Variants in SNCAIP observed in about 807,000 individuals in gnomAD.
The protein encoded by SNCAIP is synphilin-1.
In SNCAIP, 43 loss-of-function variants were observed where a neutral mutation model predicts 86.7. The observed-to-expected ratio is 0.50, with a 90% CI of 0.39 to 0.64. The LOEUF (loss-of-function observed/expected upper bound fraction) is 0.64, where lower values mean the gene tolerates loss of function less well. Ranked by LOEUF, SNCAIP falls within the 30% of genes least tolerant of loss-of-function variation. The pLI, the probability that SNCAIP is intolerant of heterozygous loss-of-function variation, is 0.00. For missense variants in SNCAIP, 981 were observed against 1,103.1 expected (o/e 0.89, Z 1.57); for synonymous variants, 417 against 427.2 (o/e 0.98, Z 0.29).
intron 7 of SNCAIP, among the ~76,000 whole-genome samples, chr5:122,441,777 G>T (rs1380006040): frequency 6.6e-6 from 1 of 152,188 alleles, no homozygotes; most frequent in Admixed American, 6.6e-5. Flanking sequence ...GCTGAAGGAG[G>T]AGTAGCAGAT....
At chr5:122,367,932 C>CTA (rs1035630348) in intron 1 of SNCAIP, among the ~76,000 whole-genome samples, 3 of 151,948 alleles carry the variant, frequency 2.0e-5, no homozygotes, top group African/African-American at 7.3e-5. Context: ...ACACATAGGT[C>CTA]TATATATATT....
chr5:122,323,002 G>A (rs1272466459), intron 1 of SNCAIP, among the ~76,000 whole-genome samples: 1 of 152,168 alleles, frequency 6.6e-6, no homozygotes, highest in African/African-American at 2.4e-5. Context: ...AAAAGGCTGA[G>A]AGCTACTTTT....
At chr5:122,350,927 A>G (rs938869720) in intron 1 of SNCAIP, among the ~76,000 whole-genome samples, 5 of 152,222 alleles carry the variant, frequency 3.3e-5, no homozygotes, top group African/African-American at 1.2e-4. Flanking sequence ...AAGGGCTAAG[A>G]CATTCAGTGC....
chr5:122,361,061 G>T (rs1333865217), intron 1 of SNCAIP, among the ~76,000 whole-genome samples: 1 of 149,048 alleles, frequency 6.7e-6, no homozygotes, highest in Non-Finnish European at 1.5e-5. Flanking sequence ...AAATTTGTTA[G>T]TTTTTAAAAA....
At chr5:122,358,905 A>G (rs1196533223) in intron 1 of SNCAIP, among the ~76,000 whole-genome samples, 1 of 152,182 alleles carries the variant, frequency 6.6e-6, no homozygotes, top group East Asian at 1.9e-4. Flanking sequence ...TTCTGAATAT[A>G]TGTAATAAGA....
At chr5:122,327,364 A>T (rs1754312869) in intron 1 of SNCAIP, among the ~76,000 whole-genome samples, 1 of 152,140 alleles carries the variant, frequency 6.6e-6, no homozygotes, top group South Asian at 2.1e-4. Context: ...TGGAGGACAC[A>T]TTATTTCGGG....
rs573226203 is a variant in SNCAIP, at chr5:122,341,605, A to G, written c.-47+29321A>G. Among the ~76,000 whole-genome samples, 68 of 152,352 alleles carry G rather than the reference A, an allele frequency of 4.5e-4. 2 individuals carry two copies. The South Asian group carries it at 0.014, about 31-fold the overall frequency. On this transcript the variant is annotated intron_variant, in intron 1 of 10. Coordinates refer to ENST00000261368, the MANE Select transcript of SNCAIP (RefSeq NM_005460.4). ...GAACTTTGCCTAAATTCAGACAAGT[A>G]CAGAGAACCTCCAGTTTATTTTGCC...
intron 1 of SNCAIP, among the ~76,000 whole-genome samples, chr5:122,385,896 G>T (rs985496717): frequency 6.6e-6 from 1 of 152,130 alleles, no homozygotes; most frequent in African/African-American, 2.4e-5. Flanking sequence ...GAGCAATAGC[G>T]ACTTTGGCAG....
intron 5 of SNCAIP, 106 bp downstream of exon 5, chr5:122,425,637 C>A: frequency 1.1e-6 from 1 of 928,196 alleles, no homozygotes; most frequent in Non-Finnish European, 1.7e-6. Flanking sequence ...AGTGATTTGT[C>A]AAGCAAAGAG....
chr5:122,340,074 CACTCAT>C (rs1757257267), intron 1 of SNCAIP, among the ~76,000 whole-genome samples: 1 of 152,190 alleles, frequency 6.6e-6, no homozygotes, highest in Non-Finnish European at 1.5e-5. Context: ...AGTCATCAGG[CACTCAT>C]AAATTGCCGT....
Position 122,464,087 on chromosome 5 carries a change from A to G in SNCAIP, c.*591A>G, listed in dbSNP as rs947102772. 6.6e-6 allele frequency: 1 copy of G among 152,188 alleles called. No individual in the cohort carries two copies. The allele number at this position is 152,188 out of a possible 1,614,324, so 9.4% of individuals were successfully genotyped here. On this transcript the variant is annotated 3_prime_UTR_variant, in exon 11 of 11. Coordinates refer to ENST00000261368, the MANE Select transcript of SNCAIP (RefSeq NM_005460.4). The stretch of plus-strand genomic sequence containing the variant: ...AGCTTGGGGCACCTACTTTCTAACA[A>G]ATCTGTGATGTTCTGATTTCTAAGG...
At chr5:122,358,159 T>TTGTGTGTGTG (rs36222259) in intron 1 of SNCAIP, among the ~76,000 whole-genome samples, 12 of 138,024 alleles carry the variant, frequency 8.7e-5, no homozygotes, top group Admixed American at 1.5e-4. Context: ...ATTTGTTTCT[T>TTGTGTGTGTG]TGTGTGTGTG....
intron 1 of SNCAIP, among the ~76,000 whole-genome samples, chr5:122,360,018 A>C (rs1434886899): frequency 6.6e-6 from 1 of 152,032 alleles, no homozygotes; most frequent in African/African-American, 2.4e-5. Flanking sequence ...CTGCTTAAGA[A>C]CCTCTTTATG....
intron 5 of SNCAIP, among the ~76,000 whole-genome samples, chr5:122,426,156 C>T (rs1777331351): frequency 6.6e-6 from 1 of 152,206 alleles, no homozygotes; most frequent in South Asian, 2.1e-4. Flanking sequence ...AAATATAGCA[C>T]ATCACTAGAA....
At chr5:122,405,974 T>C (rs1283260254) in intron 3 of SNCAIP, among the ~76,000 whole-genome samples, 2 of 152,162 alleles carry the variant, frequency 1.3e-5, no homozygotes, top group Non-Finnish European at 2.9e-5. Flanking sequence ...TAATCAGACC[T>C]GACAGGAAAT....
rs1194053993 is a variant in SNCAIP, at chr5:122,440,760, C to T, written c.1422+6C>T. ...GCTACCTTGGATGCATACAGGTACA[C>T]AGGCCCTGCTGTTTTGCAATGAGAA... On this transcript the variant is annotated splice_donor_region_variant and intron_variant, in intron 7 of 10. Coordinates refer to ENST00000261368, the MANE Select transcript of SNCAIP (RefSeq NM_005460.4). 8 of 1,613,428 alleles carry T rather than the reference C, an allele frequency of 5.0e-6. No homozygotes were observed. The highest frequency in any genetic ancestry group is 6.8e-6 in the Non-Finnish European group (8 of 1,179,478).
chr5:122,452,273 A>G (rs1783851851), intron 10 of SNCAIP, among the ~76,000 whole-genome samples: 1 of 152,226 alleles, frequency 6.6e-6, no homozygotes, highest in African/African-American at 2.4e-5. Context: ...TGTGATTTAT[A>G]TCCAGTGGAT....
At chr5:122,349,939 C>A (rs1759428210) in intron 1 of SNCAIP, among the ~76,000 whole-genome samples, 1 of 152,170 alleles carries the variant, frequency 6.6e-6, no homozygotes, top group Non-Finnish European at 1.5e-5. Context: ...TTTGCTCCCC[C>A]ATCAGCCAAA....
At chr5:122,409,086 T>TG (rs554494298) in intron 3 of SNCAIP, among the ~76,000 whole-genome samples, 13 of 147,682 alleles carry the variant, frequency 8.8e-5, no homozygotes, top group African/African-American at 3.2e-4. Context: ...AAGTTATGTG[T>TG]AAAAAAAAAA....
Sources: gnomAD v4.1 joint callset for allele counts (sites outside exome capture counted in the v4.1 genomes callset) on GRCh38, gnomAD v4.1.1 for gene constraint, MANE v1.5 for transcripts, NCBI Gene and HGNC (gene_info 2026-07-23, HGNC 2026-07-21) for gene names.